Variants in ALG12 observed in about 807,000 individuals in gnomAD.
ALG12 encodes the protein ALG12 alpha-1,6-mannosyltransferase.
In ALG12, 36 loss-of-function variants were observed where a neutral mutation model predicts 46.0. That is an observed-to-expected ratio of 0.78 (90% confidence interval 0.60 to 1.03). ALG12 has a LOEUF of 1.03. Among genes scored for constraint, ALG12 ranks in the 50% least tolerant of loss-of-function variants. ALG12 has a pLI of 0.00. For synonymous variants in ALG12, 326 were observed against 291.6 expected, an observed-to-expected ratio of 1.12 and a Z score of -1.20; for missense variants, 599 against 633.5, an observed-to-expected ratio of 0.95 and a Z score of 0.58.
At chr22:49,866,759 G>C in the ALG12 span, among the ~76,000 whole-genome samples, 1 of 152,076 alleles carries the variant, frequency 6.6e-6, no homozygotes, top group Non-Finnish European at 1.5e-5. Flanking sequence ...TATTATATTA[G>C]TTTTCTAGTG....
chr22:49,917,530 A>T (rs1358873268), intron 1 of ALG12, among the ~76,000 whole-genome samples: 1 of 152,016 alleles, frequency 6.6e-6, no homozygotes, highest in Non-Finnish European at 1.5e-5. Context: ...AATTAGCCGG[A>T]CCTGGTGGTG....
At chr22:49,904,671 G>T in intron 7 of ALG12, 165 bp from the exon 8 acceptor site, 1 of 744,434 alleles carries the variant, frequency 1.3e-6, no homozygotes, top group Non-Finnish European at 2.3e-6. Context: ...AAGTGGTTAA[G>T]ATACTGCCTC....
chr22:49,860,733 C>T, the ALG12 span, among the ~76,000 whole-genome samples: 1 of 151,194 alleles, frequency 6.6e-6, no homozygotes, highest in Non-Finnish European at 1.5e-5. Flanking sequence ...AAGGTCAGAA[C>T]TACATAAAAG....
chr22:49,865,654 GAC>G, the ALG12 span, among the ~76,000 whole-genome samples: 1 of 152,004 alleles, frequency 6.6e-6, no homozygotes, highest in African/African-American at 2.4e-5. Flanking sequence ...CAGTCTGGGC[GAC>G]AGAGTGGACA....
At chr22:49,884,368 T>G in the ALG12 span, 1 of 1,611,876 alleles carries the variant, frequency 6.2e-7, no homozygotes, top group Non-Finnish European at 8.5e-7. Flanking sequence ...TGAAGAAATC[T>G]CCTCTGACAT....
the ALG12 span, among the ~76,000 whole-genome samples, chr22:49,859,626 T>C: frequency 1.3e-5 from 2 of 152,244 alleles, no homozygotes; most frequent in African/African-American, 4.8e-5. Context: ...TTGTCTGTTA[T>C]TGCTTAATGC....
intron 6 of ALG12, among the ~76,000 whole-genome samples, chr22:49,908,951 CAAA>C (rs35816147): frequency 2.5e-5 from 2 of 80,496 alleles, no homozygotes. Flanking sequence ...GACTCAGTCT[CAAA>C]AAAAAAAAAA....
chr22:49,867,916 C>T, the ALG12 span, among the ~76,000 whole-genome samples: 1 of 152,238 alleles, frequency 6.6e-6, no homozygotes, highest in Admixed American at 6.5e-5. Context: ...AATCACCTGA[C>T]ACAAAGCCTG....
Position 49,913,626 on chromosome 22 carries a change from T to C in ALG12, c.140A>G (p.Tyr47Cys), listed in dbSNP as rs757793791. Residue 47 changes from tyrosine (Y) to cysteine (C), a missense_variant, in exon 2 of 10, where the codon TAC becomes TGC. Physicochemically the swap from Tyr to Cys is radical, Grantham distance 194. Transcript: ENST00000330817. The stretch of plus-strand genomic sequence containing the variant: ...CACCTGCTCCAGGTCTTGCCAGTGG[T>C]AGAGCAGGTCATGTGTGGCCTGCAG... The part of the protein sequence containing the change: ...FNLQATHDLL[Y>C]HWQDLEQYDH... The C allele has an allele frequency of 1.2e-6, 2 of 1,614,138 alleles. No homozygotes were observed. Among genetic ancestry groups the C allele is most frequent in the Admixed American group, 3.3e-5 (2 of 60,028 alleles).
At chr22:49,918,100 TG>T (rs2060629722) in intron 1 of ALG12, 162 bp downstream of exon 1, 1 of 142,372 alleles carries the variant, frequency 7.0e-6, no homozygotes, top group Non-Finnish European at 1.5e-5. Context: ...AAGTGAGGGG[TG>T]CAGCCCCAGG....
the ALG12 span, among the ~76,000 whole-genome samples, chr22:49,894,216 C>T: frequency 2.0e-5 from 3 of 152,194 alleles, no homozygotes; most frequent in South Asian, 2.1e-4. Flanking sequence ...CTAGGGTAAC[C>T]GCTAAAAGCA....
the ALG12 span, among the ~76,000 whole-genome samples, chr22:49,893,225 A>C: frequency 6.6e-6 from 1 of 152,222 alleles, no homozygotes; most frequent in South Asian, 2.1e-4. Context: ...CCAGAAGAGG[A>C]GAGAGAAGGG....
chr22:49,860,337 A>G, the ALG12 span, among the ~76,000 whole-genome samples: 1 of 152,172 alleles, frequency 6.6e-6, no homozygotes, highest in African/African-American at 2.4e-5. Context: ...ACATATATAT[A>G]GTTTTACTTA....
At chr22:49,914,575 C>T (rs1334551812) in intron 1 of ALG12, among the ~76,000 whole-genome samples, 2 of 152,216 alleles carry the variant, frequency 1.3e-5, no homozygotes, top group Non-Finnish European at 2.9e-5. Flanking sequence ...AGGCCAGCAA[C>T]ATGTCCAGCT....
the ALG12 span, among the ~76,000 whole-genome samples, chr22:49,868,737 C>T: frequency 2.6e-5 from 4 of 152,072 alleles, no homozygotes; most frequent in African/African-American, 9.7e-5. Flanking sequence ...GCAGCTACTT[C>T]GTGCATGTGT....
rs780401571 is a variant in ALG12, at chr22:49,904,204, A to G, written c.1213T>C (p.Phe405Leu). ...VAAAQTGVSR[F>L]LQVNSAWRYD... ...CTCCAGGCGCTGTTGACTTGGAGAA[A>G]CCGAGACACACCTGTCTGGGCGGCT... The change falls in exon 9 of 10, where the codon TTT becomes CTT. Residue 405 changes from phenylalanine (F) to leucine (L), a missense_variant. Phe to Leu is a conservative substitution (Grantham distance 22). Coordinates refer to ENST00000330817, the MANE Select transcript of ALG12 (RefSeq NM_024105.4). The G allele has an allele frequency of 1.9e-6, 3 of 1,614,128 alleles. No homozygotes were observed. The highest frequency in any genetic ancestry group is 1.1e-5 in the South Asian group (1 of 91,082).
downstream of ALG12, among the ~76,000 whole-genome samples, chr22:49,898,892 A>G (rs1206399077): frequency 6.6e-6 from 1 of 152,118 alleles, no homozygotes; most frequent in Admixed American, 6.6e-5. Context: ...AGCTGGAACT[A>G]CAGGCGTGCA....
chr22:49,880,377 G>C, the ALG12 span, among the ~76,000 whole-genome samples: 1 of 152,200 alleles, frequency 6.6e-6, no homozygotes, highest in South Asian at 2.1e-4. Flanking sequence ...ACCTCCGCAG[G>C]TCTGCGTAGC....
At chr22:49,899,932 G>A (rs1301935163), downstream of ALG12, among the ~76,000 whole-genome samples, 1 of 152,180 alleles carries the variant, frequency 6.6e-6, no homozygotes, top group Non-Finnish European at 1.5e-5. Flanking sequence ...GCCAAGGCAG[G>A]AGGATTGCTT....
Sources: gnomAD v4.1 joint callset for allele counts (sites outside exome capture counted in the v4.1 genomes callset) on GRCh38, gnomAD v4.1.1 for gene constraint, MANE v1.5 for transcripts, NCBI Gene and HGNC (gene_info 2026-07-23, HGNC 2026-07-21) for gene names.